ZHX2: variants seen among roughly 807,000 people sequenced by gnomAD.
ZHX2 encodes zinc fingers and homeoboxes 2, also known as zinc fingers and homeoboxes protein 2.
ZHX2 carries 6 observed loss-of-function variants against 21.9 expected under a neutral mutation model. The observed-to-expected ratio is 0.27, with a 90% CI of 0.15 to 0.54. The LOEUF (loss-of-function observed/expected upper bound fraction) is 0.54, where lower values mean the gene tolerates loss of function less well. Ranked by LOEUF, ZHX2 falls within the 20% of genes least tolerant of loss-of-function variation. ZHX2 has a pLI of 0.95. For synonymous variants in ZHX2, 434 were observed against 437.1 expected (o/e 0.99, Z 0.09); for missense variants, 908 against 1,090.7 (o/e 0.83, Z 2.36).
intron 1 of ZHX2, among the ~76,000 whole-genome samples, chr8:122,804,283 A>G (rs1296182992): frequency 6.6e-6 from 1 of 151,850 alleles, no homozygotes; most frequent in Non-Finnish European, 1.5e-5. Context: ...TAATTTTTGT[A>G]TTTTTAGTAG....
rs535552792 is a variant in ZHX2 at position 122,935,134 on chromosome 8, GACT to G, written c.-219-16157_-219-16155del. 3.3e-5 allele frequency among the ~76,000 whole-genome samples: 5 copies of G among 151,598 alleles called. No homozygotes were observed. In the South Asian group the frequency reaches 1.0e-3, roughly 32 times the overall value. On this transcript the variant is annotated intron_variant, in intron 2 of 3. Coordinates refer to ENST00000314393, the MANE Select transcript of ZHX2 (RefSeq NM_014943.5). ...TAATATTTGATCTGGACTCACAGAT[GACT>G]TTTTTTCCTCTCTCTGTGTCTTTTT...
intron 3 of ZHX2, among the ~76,000 whole-genome samples, chr8:122,959,338 A>G (rs1434649226): frequency 2.0e-5 from 3 of 152,210 alleles, no homozygotes; most frequent in African/African-American, 4.8e-5. Flanking sequence ...CAGAAGAGGT[A>G]TGCCCTCACA....
intron 2 of ZHX2, among the ~76,000 whole-genome samples, chr8:122,909,304 A>C (rs1820420058): frequency 6.6e-6 from 1 of 151,978 alleles, no homozygotes; most frequent in African/African-American, 2.4e-5. Context: ...ATGGTGGTGC[A>C]TGCCTGTAGT....
intron 1 of ZHX2, among the ~76,000 whole-genome samples, chr8:122,829,892 G>A (rs1818335027): frequency 6.6e-6 from 1 of 152,236 alleles, no homozygotes; most frequent in Non-Finnish European, 1.5e-5. Flanking sequence ...GTGAAGTGGA[G>A]CCCTGTTGGT....
intron 1 of ZHX2, among the ~76,000 whole-genome samples, chr8:122,841,266 A>G (rs1314413536): frequency 6.6e-6 from 1 of 152,156 alleles, no homozygotes; most frequent in East Asian, 1.9e-4. Flanking sequence ...GCCTGGGGAT[A>G]GCGGGAAGTC....
At chr8:122,910,344 A>G (rs865845787) in intron 2 of ZHX2, among the ~76,000 whole-genome samples, 1 of 152,160 alleles carries the variant, frequency 6.6e-6, no homozygotes, top group Non-Finnish European at 1.5e-5. Context: ...AAACACAGCC[A>G]ATTCATTGTA....
In ZHX2 at chr8:122,953,065, G is replaced by A. The variant is rs137944558; in HGVS notation, c.1555G>A (p.Gly519Ser). ...DQLAIAASRH[G>S]RTYHAYPDFA... ...GTTGGCCATCGCGGCCTCCCGACAC[G>A]GTCGCACGTATCATGCGTACCCAGA... Residue 519 changes from glycine (G) to serine (S), a missense_variant, in exon 3 of 4, where the codon GGT (glycine) becomes AGT (serine). Physicochemically the swap from Gly to Ser is moderately conservative, Grantham distance 56. Around this residue, in one of 4 missense-constraint regions of ZHX2, gnomAD observed 431 missense variants for 428.6 expected, o/e 1.01. Coordinates refer to ENST00000314393, the MANE Select transcript of ZHX2 (RefSeq NM_014943.5). The surrounding 1 kb of genome is among the most constrained non-coding windows in gnomAD (Gnocchi z 4.6). 1.4e-4 allele frequency: 229 copies of A among 1,613,958 alleles called. No individual in the cohort carries two copies. The African/African-American group carries it at 2.1e-3, about 14-fold the overall frequency.
At chr8:122,934,257 C>A (rs1032500657) in intron 2 of ZHX2, among the ~76,000 whole-genome samples, 2 of 152,136 alleles carry the variant, frequency 1.3e-5, no homozygotes, top group Non-Finnish European at 2.9e-5. Context: ...GCAATTCAAA[C>A]CGTTCTGTAC....
At chr8:122,909,683 C>T (rs1201284369) in intron 2 of ZHX2, among the ~76,000 whole-genome samples, 3 of 152,110 alleles carry the variant, frequency 2.0e-5, no homozygotes, top group African/African-American at 7.2e-5. Flanking sequence ...GGTATTCACA[C>T]TGGCTTCCAC....
intron 2 of ZHX2, among the ~76,000 whole-genome samples, chr8:122,901,055 T>C (rs1157760750): frequency 6.6e-6 from 1 of 152,174 alleles, no homozygotes; most frequent in Admixed American, 6.5e-5. Context: ...ACAACTATGA[T>C]TTATTGGGTA....
chr8:122,824,666 C>G (rs1007302227), intron 1 of ZHX2, among the ~76,000 whole-genome samples: 1 of 152,166 alleles, frequency 6.6e-6, no homozygotes, highest in Admixed American at 6.5e-5. Context: ...CCCCTGGGTC[C>G]CCCATCTCTT....
intron 1 of ZHX2, among the ~76,000 whole-genome samples, chr8:122,844,298 C>T (rs1172941113): frequency 6.6e-6 from 1 of 152,254 alleles, no homozygotes; most frequent in Non-Finnish European, 1.5e-5. Flanking sequence ...CCCTCGAAGG[C>T]AGCTGGCAGC....
intron 2 of ZHX2, among the ~76,000 whole-genome samples, chr8:122,930,862 G>C (rs58422031): frequency 6.6e-6 from 1 of 151,886 alleles, no homozygotes; most frequent in Non-Finnish European, 1.5e-5. Context: ...TAGGGGGACC[G>C]GCTGGCACAC....
intron 3 of ZHX2, among the ~76,000 whole-genome samples, chr8:122,966,745 A>C (rs957437040): frequency 6.6e-6 from 1 of 152,116 alleles, no homozygotes; most frequent in African/African-American, 2.4e-5. Context: ...CCCTCAAATA[A>C]ATTTTCTAGA....
chr8:122,969,728 C>CA (rs1056050767), intron 3 of ZHX2, among the ~76,000 whole-genome samples: 5 of 151,738 alleles, frequency 3.3e-5, no homozygotes, highest in African/African-American at 4.8e-5. Context: ...CTACACCTCT[C>CA]AAAAAAAATG....
At position 122,952,349 on chromosome 8, in the gene ZHX2, C is replaced by G; in HGVS notation, c.839C>G (p.Ser280Cys). The change falls in exon 3 of 4, where the codon TCT (serine) becomes TGT (cysteine). Residue 280 changes from serine (S) to cysteine (C), a missense_variant. Ser to Cys is a moderately radical substitution (Grantham distance 112). Around this residue, in one of 4 missense-constraint regions of ZHX2, gnomAD observed 232 missense variants for 361.8 expected, o/e 0.64. Coordinates refer to ENST00000314393, the MANE Select transcript of ZHX2 (RefSeq NM_014943.5). The surrounding 1 kb of genome is among the most constrained non-coding windows in gnomAD (Gnocchi z 6.9). ...ALDTNATMIN[S>C]FNKFPYPTQA... ...GATACAAATGCCACGATGATCAACT[C>G]TTTCAACAAGTTTCCTTACCCGACC... The G allele has an allele frequency of 6.2e-7, 1 of 1,614,210 alleles. No individual in the cohort carries two copies. Among genetic ancestry groups the G allele is most frequent in the African/African-American group, 1.3e-5 (1 of 75,060 alleles).
intron 2 of ZHX2, among the ~76,000 whole-genome samples, chr8:122,902,149 G>A (rs906449472): frequency 6.6e-6 from 1 of 152,224 alleles, no homozygotes; most frequent in African/African-American, 2.4e-5. Flanking sequence ...GAACAGATCA[G>A]GTGGCTAATG....
Position 122,951,874 on chromosome 8 carries a change from T to C in ZHX2, c.364T>C (p.Tyr122His). 2 of 1,614,066 alleles carry C rather than the reference T, an allele frequency of 1.2e-6. No individual in the cohort carries two copies. The highest frequency in any genetic ancestry group is 1.7e-6 in the Non-Finnish European group (2 of 1,180,016). Residue 122 changes from tyrosine to histidine, a missense_variant, in exon 3 of 4, where the codon TAC becomes CAC. This residue lies in a region of ZHX2 where 220 missense variants were observed against 251.4 expected (regional missense o/e 0.88). Transcript: ENST00000314393. ...CAECNFTTKK[Y>H]DSLSDHNSKF... ...AGAATGTAACTTCACAACCAAAAAGTACGACTCCCTATCCGACCACAACTC... is the reference window on the plus strand; with the variant it reads ...AGAATGTAACTTCACAACCAAAAAGCACGACTCCCTATCCGACCACAACTC...
At chr8:122,894,679 GAGATATACCTA>G (rs1203156812) in intron 2 of ZHX2, among the ~76,000 whole-genome samples, 6 of 152,088 alleles carry the variant, frequency 3.9e-5, no homozygotes, top group Non-Finnish European at 4.4e-5. Flanking sequence ...ATAGCATTAG[GAGATATACCTA>G]ATGTTAAATG....
Sources: allele counts gnomAD v4.1 joint callset (sites outside exome capture counted in the v4.1 genomes callset), GRCh38; gene constraint gnomAD v4.1.1; regional missense constraint gnomAD v4.1.1; non-coding constraint Gnocchi (gnomAD v3.1); transcripts MANE v1.5; gene names NCBI Gene and HGNC (gene_info 2026-07-23, HGNC 2026-07-21).